Variants in OR14I1 observed in about 807,000 individuals in gnomAD.
OR14I1 encodes the protein olfactory receptor family 14 subfamily I member 1, also known as olfactory receptor 14I1.
For synonymous variants in OR14I1, 118 were observed against 71.1 expected (o/e 1.66, Z -3.32); for missense variants, 279 against 181.8 (o/e 1.53, Z -3.07).
At chr1:248,690,877 C>G in the OR14I1 span, among the ~76,000 whole-genome samples, 1 of 152,002 alleles carries the variant, frequency 6.6e-6, no homozygotes, top group Non-Finnish European at 1.5e-5. Context: ...AGCAGCACAT[C>G]AAAAAGATTA....
At chr1:248,681,847 T>C (rs765808789) in exon 1 of OR14I1, 1 of 780,910 alleles carries the variant, frequency 1.3e-6, no homozygotes, top group Non-Finnish European at 2.4e-6. Flanking sequence ...GACGGCTGCG[T>C]AGGAAAAGCA....
chr1:248,699,915 G>A, the OR14I1 span, among the ~76,000 whole-genome samples: 4 of 152,008 alleles, frequency 2.6e-5, no homozygotes, highest in African/African-American at 7.3e-5. Flanking sequence ...GTGCCACCAC[G>A]CCCAGCTAAT....
the OR14I1 span, chr1:248,692,464 AC>A: frequency 6.6e-6 from 1 of 151,852 alleles, no homozygotes; most frequent in Non-Finnish European, 1.5e-5. Flanking sequence ...TCTGATTCCC[AC>A]CCGCATTTCT....
the OR14I1 span, among the ~76,000 whole-genome samples, chr1:248,698,045 G>A: frequency 7.2e-5 from 11 of 152,198 alleles, no homozygotes; most frequent in African/African-American, 1.9e-4. Context: ...GCTGAGTTCC[G>A]TGAGGGTTGG....
At chr1:248,698,098 T>C in the OR14I1 span, among the ~76,000 whole-genome samples, 1 of 152,238 alleles carries the variant, frequency 6.6e-6, no homozygotes, top group Non-Finnish European at 1.5e-5. Flanking sequence ...TTCCTCCTGC[T>C]GACGCTGGGG....
downstream of OR14I1, among the ~76,000 whole-genome samples, chr1:248,680,603 T>C (rs1196660564): frequency 3.9e-5 from 6 of 152,194 alleles, no homozygotes; most frequent in African/African-American, 1.4e-4. Flanking sequence ...ATGGCGATGA[T>C]GATAATCACC....
chr1:248,686,967 C>A (rs559258047), upstream of OR14I1, among the ~76,000 whole-genome samples: 1 of 152,120 alleles, frequency 6.6e-6, no homozygotes. Context: ...GAGACTGGGC[C>A]GCCACAGTCT....
chr1:248,681,893 C>T (rs866181965), exon 1 of OR14I1: 5 of 781,064 alleles, frequency 6.4e-6, no homozygotes, highest in Middle Eastern at 2.3e-4. Flanking sequence ...TGATAGCACC[C>T]TCCTGATGTC....
the OR14I1 span, among the ~76,000 whole-genome samples, chr1:248,691,217 C>A: frequency 6.6e-6 from 1 of 152,144 alleles, no homozygotes; most frequent in Non-Finnish European, 1.5e-5. Context: ...TAGAAGGGAC[C>A]CTTCATTCAT....
the OR14I1 span, chr1:248,699,116 T>A: frequency 6.6e-6 from 1 of 152,234 alleles, no homozygotes; most frequent in East Asian, 1.9e-4. Flanking sequence ...GTTAATGTAT[T>A]CTTTCATGAG....
chr1:248,696,645 C>G, the OR14I1 span, among the ~76,000 whole-genome samples: 1 of 152,148 alleles, frequency 6.6e-6, no homozygotes, highest in Admixed American at 6.5e-5. Context: ...TGGAAGTAGA[C>G]CTTTTTCAGG....
chr1:248,682,171 G>T, exon 1 of OR14I1: 1 of 781,026 alleles, frequency 1.3e-6, no homozygotes, highest in South Asian at 1.3e-5. Context: ...AGTGATGACT[G>T]CAATGATGAG....
chr1:248,690,559 A>G, the OR14I1 span, among the ~76,000 whole-genome samples: 7 of 149,370 alleles, frequency 4.7e-5, no homozygotes, highest in African/African-American at 1.5e-4. Flanking sequence ...TAGACCAGTA[A>G]CAAGTTCTGA....
chr1:248,678,255 C>T (rs943308705), downstream of OR14I1, among the ~76,000 whole-genome samples: 1 of 152,076 alleles, frequency 6.6e-6, no homozygotes, highest in Admixed American at 6.6e-5. Context: ...TGAGGGTGTC[C>T]ACAGGGGATG....
downstream of OR14I1, among the ~76,000 whole-genome samples, chr1:248,679,373 G>A (rs989892167): frequency 3.3e-5 from 5 of 151,656 alleles, no homozygotes; most frequent in Middle Eastern, 3.5e-3. Flanking sequence ...ATGTTCTGTC[G>A]CTTGATGTTT....
chr1:248,690,572 T>C, the OR14I1 span, among the ~76,000 whole-genome samples: 1 of 102,596 alleles, frequency 9.7e-6, no homozygotes, highest in African/African-American at 3.9e-5. Flanking sequence ...AGTTCTGAAA[T>C]CCAGGCAGTA....
the OR14I1 span, among the ~76,000 whole-genome samples, chr1:248,688,554 T>A: frequency 6.6e-6 from 1 of 152,234 alleles, no homozygotes; most frequent in Non-Finnish European, 1.5e-5. Context: ...AGAACAAATA[T>A]TTTGTGTGCC....
chr1:248,680,967 C>CATGTGTGT (rs138704339), downstream of OR14I1, among the ~76,000 whole-genome samples: 3 of 147,108 alleles, frequency 2.0e-5, no homozygotes, highest in South Asian at 4.3e-4. Context: ...AAACTGTGTG[C>CATGTGTGT]GTGTGTGTGT....
upstream of OR14I1, chr1:248,682,360 T>C: frequency 2.9e-6 from 2 of 678,562 alleles, no homozygotes; most frequent in South Asian, 3.5e-5. Context: ...TAGTTTTAAA[T>C]GAGACAAAAA....
Sources: allele counts gnomAD v4.1 joint callset (sites outside exome capture counted in the v4.1 genomes callset), GRCh38; gene constraint gnomAD v4.1.1; transcripts MANE v1.5; gene names NCBI Gene and HGNC (gene_info 2026-07-23, HGNC 2026-07-21).